Variants in IQCM observed in about 807,000 individuals in gnomAD.
The protein encoded by IQCM is IQ domain-containing protein M.
IQCM carries 45 observed loss-of-function variants against 57.6 expected under a neutral mutation model. That is an observed-to-expected ratio of 0.78 (90% CI 0.62 to 1.00). The LOEUF (loss-of-function observed/expected upper bound fraction) is 1.00. IQCM is among the 50% of genes least tolerant of loss of function. The pLI, the probability that IQCM is intolerant of heterozygous loss-of-function variation, is 0.00. For synonymous variants in IQCM, 148 were observed against 158.9 expected (o/e 0.93, Z 0.51); for missense variants, 468 against 511.6 (o/e 0.91, Z 0.82).
chr4:149,511,527 C>CTAAATAAA (rs3056265), intron 12 of IQCM, among the ~76,000 whole-genome samples: 2 of 141,812 alleles, frequency 1.4e-5, no homozygotes, highest in African/African-American at 2.6e-5. Flanking sequence ...GACCCTGTCT[C>CTAAATAAA]TAAATAAATA....
intron 2 of IQCM, among the ~76,000 whole-genome samples, chr4:149,762,313 G>A (rs1340431154): frequency 6.6e-6 from 1 of 151,576 alleles, no homozygotes; most frequent in Admixed American, 6.6e-5. Flanking sequence ...AACCATTAGG[G>A]TAGCCAAATA....
At chr4:149,498,472 G>A (rs1387160332) in intron 12 of IQCM, among the ~76,000 whole-genome samples, 1 of 152,142 alleles carries the variant, frequency 6.6e-6, no homozygotes, top group African/African-American at 2.4e-5. Flanking sequence ...CTTCCTTGTA[G>A]GCATTTCAAC....
chr4:149,451,704 G>A (rs918638455), intron 12 of IQCM, among the ~76,000 whole-genome samples: 7 of 151,622 alleles, frequency 4.6e-5, no homozygotes, highest in Non-Finnish European at 7.4e-5. Flanking sequence ...CTTTTTTCTC[G>A]TAAATTTTCT....
chr4:149,541,942 G>T (rs1333609288), intron 12 of IQCM, among the ~76,000 whole-genome samples: 1 of 152,070 alleles, frequency 6.6e-6, no homozygotes, highest in Non-Finnish European at 1.5e-5. Context: ...CACAATCAAA[G>T]AAGTCAGTAT....
At chr4:149,509,476 C>G (rs1371012136) in intron 12 of IQCM, among the ~76,000 whole-genome samples, 1 of 151,746 alleles carries the variant, frequency 6.6e-6, no homozygotes, top group East Asian at 1.9e-4. Context: ...TGGGGTCTTG[C>G]TATCTTGCCC....
chr4:149,497,968 A>T (rs981893953), intron 12 of IQCM, among the ~76,000 whole-genome samples: 2 of 152,102 alleles, frequency 1.3e-5, no homozygotes, highest in Admixed American at 1.3e-4. Context: ...TGCTCCAAAG[A>T]TGAATGTCAT....
At chr4:149,586,013 A>G (rs1260962260) in intron 9 of IQCM, among the ~76,000 whole-genome samples, 1 of 151,692 alleles carries the variant, frequency 6.6e-6, no homozygotes, top group Non-Finnish European at 1.5e-5. Flanking sequence ...CTCCAGGGAA[A>G]TAACTATAAT....
intron 5 of IQCM, among the ~76,000 whole-genome samples, chr4:149,728,777 C>A (rs1477421868): frequency 6.6e-6 from 1 of 152,126 alleles, no homozygotes; most frequent in Non-Finnish European, 1.5e-5. Context: ...CTTTAGGACA[C>A]TAAATATTCA....
chr4:149,630,893 A>G (rs923466944), intron 7 of IQCM, among the ~76,000 whole-genome samples: 1 of 152,196 alleles, frequency 6.6e-6, no homozygotes, highest in African/African-American at 2.4e-5. Flanking sequence ...ACTCTTAGCA[A>G]CATCTGCTTG....
rs1364621005 is a variant in IQCM at position 149,511,564 on chromosome 4, TAA to T, written c.1228+36889_1228+36890del. Among the ~76,000 whole-genome samples the T allele has an allele frequency of 3.8e-4, 52 of 135,074 alleles. No individual in the cohort carries two copies. In the East Asian group the frequency reaches 6.7e-3, roughly 17 times the overall value. The allele number at this position is 135,074 out of a possible 152,430, so 88.6% of individuals were successfully genotyped here. A position where few individuals can be genotyped will look rare whatever the true frequency, so the allele number is the denominator to read the frequency against. On this transcript the variant is annotated intron_variant, in intron 12 of 13. Transcript: ENST00000636793. ...ATAAATAAATAAATAAATAAATAAA[TAA>T]ATAAATATTAAACATTTAAAAAAAT...
intron 9 of IQCM, among the ~76,000 whole-genome samples, chr4:149,567,611 T>C (rs1168312508): frequency 3.3e-5 from 5 of 152,030 alleles, no homozygotes; most frequent in Non-Finnish European, 7.4e-5. Flanking sequence ...CCTCTCAAAG[T>C]GCTGGGATTA....
chr4:149,411,554 A>G (rs1733384667), intron 13 of IQCM, among the ~76,000 whole-genome samples: 1 of 152,174 alleles, frequency 6.6e-6, no homozygotes, highest in African/African-American at 2.4e-5. Context: ...ATAGAAAAAT[A>G]AAATTTATTG....
At chr4:149,753,803 G>A (rs1434518298) in intron 2 of IQCM, among the ~76,000 whole-genome samples, 1 of 108,088 alleles carries the variant, frequency 9.3e-6, no homozygotes, top group East Asian at 3.2e-4. Flanking sequence ...TCCAACATGT[G>A]TATAAAGGAA....
At chr4:149,559,339 C>T (rs561356222) in intron 10 of IQCM, among the ~76,000 whole-genome samples, 13 of 152,296 alleles carry the variant, frequency 8.5e-5, no homozygotes, top group African/African-American at 2.2e-4. Flanking sequence ...TTTCTAAGAA[C>T]GTTATTAATC....
chr4:149,639,259 C>T (rs996676575), intron 7 of IQCM, among the ~76,000 whole-genome samples: 3 of 151,514 alleles, frequency 2.0e-5, no homozygotes, highest in African/African-American at 4.9e-5. Context: ...AGACCTGTCT[C>T]TACAAAAAAT....
chr4:149,422,606 C>T (rs532579169), intron 13 of IQCM, among the ~76,000 whole-genome samples: 4 of 151,936 alleles, frequency 2.6e-5, no homozygotes, highest in Admixed American at 6.6e-5. Flanking sequence ...TGTGCATGTG[C>T]GTGTGTGTGT....
chr4:149,559,704 CT>C (rs1284764418), intron 10 of IQCM, among the ~76,000 whole-genome samples: 1 of 152,140 alleles, frequency 6.6e-6, no homozygotes, highest in Non-Finnish European at 1.5e-5. Context: ...ACATATGTTA[CT>C]GAATAAATGA....
chr4:149,659,147 A>G (rs1759924763), intron 7 of IQCM, among the ~76,000 whole-genome samples: 1 of 145,092 alleles, frequency 6.9e-6, no homozygotes. Context: ...TCCTGGATTC[A>G]TTAACTTTTT....
chr4:149,401,999 C>T (rs941856584), intron 13 of IQCM, among the ~76,000 whole-genome samples: 7 of 151,654 alleles, frequency 4.6e-5, no homozygotes, highest in South Asian at 2.1e-4. Context: ...TGTTGATACA[C>T]GGATATAAGT....
Sources: gnomAD v4.1 joint callset for allele counts (sites outside exome capture counted in the v4.1 genomes callset) on GRCh38, gnomAD v4.1.1 for gene constraint, MANE v1.5 for transcripts, NCBI Gene and HGNC (gene_info 2026-07-23, HGNC 2026-07-21) for gene names.